Variants in MEIS1 observed in about 807,000 individuals in gnomAD.
The protein encoded by MEIS1 is Meis homeobox 1, also known as homeobox protein Meis1.
MEIS1 carries 5 observed loss-of-function variants against 50.8 expected under a neutral mutation model. That is an observed-to-expected ratio of 0.10 (90% confidence interval 0.05 to 0.21). The LOEUF (loss-of-function observed/expected upper bound fraction) is 0.21, where lower values mean the gene tolerates loss of function less well. Ranked by LOEUF, MEIS1 falls within the 10% of genes least tolerant of loss-of-function variation. The probability of loss-of-function intolerance (pLI) is 1.00; values close to 1 mark genes in which losing one functional copy is unlikely to be tolerated. For synonymous variants in MEIS1, 176 were observed against 179.3 expected, an observed-to-expected ratio of 0.98 and a Z score of 0.15; for missense variants, 318 against 517.3, an observed-to-expected ratio of 0.61 and a Z score of 3.74.
chr2:66,480,122 A>G (rs1672983117), intron 7 of MEIS1, among the ~76,000 whole-genome samples: 3 of 152,228 alleles, frequency 2.0e-5, no homozygotes, highest in South Asian at 4.1e-4. Flanking sequence ...TCAAATGCTC[A>G]TAGAATAGAA....
chr2:66,555,045 GT>G (rs1469710142), intron 9 of MEIS1, among the ~76,000 whole-genome samples: 1 of 152,080 alleles, frequency 6.6e-6, no homozygotes. Flanking sequence ...AGCAAAATTT[GT>G]TTTTTCCTCA....
At position 66,560,437 on chromosome 2, in the gene MEIS1, G is replaced by A. The variant is rs573839886; in HGVS notation, c.966-7016G>A. Among the ~76,000 whole-genome samples the A allele has an allele frequency of 7.9e-5, 12 of 151,578 alleles. No individual in the cohort carries two copies. In the South Asian group the frequency reaches 1.3e-3, roughly 16 times the overall value. On this transcript the variant is annotated intron_variant, in intron 9 of 12. Coordinates refer to ENST00000272369, the MANE Select transcript of MEIS1 (RefSeq NM_002398.3). ...CTTGTCTCTACAAAAAAAACAAAAC[G>A]ACAAAAACTAGCTAGGCATGGTGAT...
chr2:66,571,827 A>C lies in MEIS1; in HGVS notation c.*619A>C. The C allele has an allele frequency of 3.0e-6, 1 of 330,658 alleles. No individual in the cohort carries two copies. The highest frequency in any genetic ancestry group is 5.5e-6 in the Non-Finnish European group (1 of 181,664). 20.5% of individuals were successfully genotyped at this position (330,658 alleles called of 1,614,324 possible). On this transcript the variant is annotated 3_prime_UTR_variant, in exon 13 of 13. Transcript: ENST00000272369. ...AAAAAATGTGAAATTTTTCCACACTATGTGTGTTGTTTCCATAGCTCTTCA... is the reference window on the plus strand; with the variant it reads ...AAAAAATGTGAAATTTTTCCACACTCTGTGTGTTGTTTCCATAGCTCTTCA...
chr2:66,552,382 A>G (rs1009794109), intron 9 of MEIS1, among the ~76,000 whole-genome samples: 4 of 152,202 alleles, frequency 2.6e-5, no homozygotes, highest in Admixed American at 2.0e-4. Flanking sequence ...TGAGAAGGCA[A>G]TATGGGTTTT....
At chr2:66,437,438 T>G in intron 1 of MEIS1, 1 of 400,120 alleles carries the variant, frequency 2.5e-6, no homozygotes, top group Non-Finnish European at 4.6e-6. Context: ...ATGCTTCTCT[T>G]TCTCTCTTTC....
chr2:66,538,877 G>GT (rs558550716), intron 8 of MEIS1, among the ~76,000 whole-genome samples: 2 of 151,560 alleles, frequency 1.3e-5, no homozygotes, highest in African/African-American at 4.9e-5. Flanking sequence ...CCTTAAAAGA[G>GT]TTTTTTTTTT....
In MEIS1 at chr2:66,571,650, T is replaced by C. The variant is rs1336181137; in HGVS notation, c.*442T>C. ...ACCAAGGAGCATCCCTAATTCTTCA[T>C]AGGGACCTTTAAAAAGCAGGAAATA... On this transcript the variant is annotated 3_prime_UTR_variant, in exon 13 of 13. Coordinates refer to ENST00000272369, the MANE Select transcript of MEIS1 (RefSeq NM_002398.3). 1.7e-6 allele frequency: 2 copies of C among 1,182,940 alleles called. No individual in the cohort carries two copies. Among genetic ancestry groups the C allele is most frequent in the Non-Finnish European group, 2.4e-6 (2 of 844,010 alleles). The allele number at this position is 1,182,940 out of a possible 1,614,324, so 73.3% of individuals were successfully genotyped here. A position where few individuals can be genotyped will look rare whatever the true frequency, so the allele number is the denominator to read the frequency against.
intron 9 of MEIS1, among the ~76,000 whole-genome samples, chr2:66,556,107 T>C (rs1297656445): frequency 6.6e-6 from 1 of 152,166 alleles, no homozygotes; most frequent in Non-Finnish European, 1.5e-5. Context: ...TTGGCAAATA[T>C]AAGGCTGTCC....
At chr2:66,443,211 C>A in intron 6 of MEIS1, 163 bp downstream of exon 6, 1 of 752,092 alleles carries the variant, frequency 1.3e-6, no homozygotes, top group Non-Finnish European at 2.0e-6. Context: ...GCTATTATTG[C>A]TTCATTAAGG....
At chr2:66,512,343 C>A in intron 8 of MEIS1, 49 bp downstream of exon 8, 5 of 1,545,636 alleles carry the variant, frequency 3.2e-6, no homozygotes, top group Non-Finnish European at 4.4e-6. Flanking sequence ...GACAATGAAC[C>A]AGTTTTTATA....
At chr2:66,486,048 G>T (rs983330017) in intron 7 of MEIS1, among the ~76,000 whole-genome samples, 2 of 152,150 alleles carry the variant, frequency 1.3e-5, no homozygotes, top group African/African-American at 4.8e-5. Context: ...TCTGTAGGTT[G>T]TCTTTTCACT....
At chr2:66,479,922 A>G (rs1048947264) in intron 7 of MEIS1, among the ~76,000 whole-genome samples, 5 of 152,018 alleles carry the variant, frequency 3.3e-5, no homozygotes, top group Admixed American at 1.3e-4. Flanking sequence ...CTTTGGCTCA[A>G]TGCCACTGAC....
intron 6 of MEIS1, 47 bp from the exon 7 acceptor site, chr2:66,464,062 G>C (rs1332434268): frequency 1.5e-6 from 2 of 1,355,578 alleles, no homozygotes; most frequent in East Asian, 2.5e-5. Context: ...TACCAATAAG[G>C]GTTCACAGAT....
intron 7 of MEIS1, among the ~76,000 whole-genome samples, chr2:66,497,191 C>G (rs1160193098): frequency 6.6e-6 from 1 of 152,138 alleles, no homozygotes; most frequent in Non-Finnish European, 1.5e-5. Context: ...TTATCATTGT[C>G]TCTAATGGAG....
At chr2:66,456,820 G>T (rs933884328) in intron 6 of MEIS1, among the ~76,000 whole-genome samples, 1 of 152,166 alleles carries the variant, frequency 6.6e-6, no homozygotes, top group African/African-American at 2.4e-5. Flanking sequence ...CTCCATCAGG[G>T]AGTGCCTCAG....
At chr2:66,449,673 T>C (rs1225022802) in intron 6 of MEIS1, among the ~76,000 whole-genome samples, 2 of 152,138 alleles carry the variant, frequency 1.3e-5, no homozygotes, top group Non-Finnish European at 2.9e-5. Flanking sequence ...CACTAAAATA[T>C]TTGTCACTAG....
At chr2:66,467,370 G>C (rs867693004) in intron 7 of MEIS1, among the ~76,000 whole-genome samples, 2 of 152,016 alleles carry the variant, frequency 1.3e-5, no homozygotes, top group Non-Finnish European at 2.9e-5. Context: ...GCCGAGGTAG[G>C]GGGGGGTCAC....
At chr2:66,468,608 G>T (rs946020549) in intron 7 of MEIS1, among the ~76,000 whole-genome samples, 22 of 152,164 alleles carry the variant, frequency 1.4e-4, no homozygotes, top group African/African-American at 5.3e-4. Flanking sequence ...CACGCAGTCT[G>T]ACTCTAGAGC....
At chr2:66,466,941 T>TAAAAAAAAAAAAA (rs397944047) in intron 7 of MEIS1, among the ~76,000 whole-genome samples, 1 of 130,478 alleles carries the variant, frequency 7.7e-6, no homozygotes, top group African/African-American at 2.7e-5. Context: ...CACCTGTGGT[T>TAAAAAAAAAAAAA]AAAAAAAAAA....
Sources: allele counts gnomAD v4.1 joint callset (sites outside exome capture counted in the v4.1 genomes callset), GRCh38; gene constraint gnomAD v4.1.1; transcripts MANE v1.5; gene names NCBI Gene and HGNC (gene_info 2026-07-23, HGNC 2026-07-21).